Variants in SMC1A observed in about 807,000 individuals in gnomAD.
SMC1A encodes structural maintenance of chromosomes 1A, also known as structural maintenance of chromosomes protein 1A.
A neutral mutation model predicts 94.5 loss-of-function variants in SMC1A; 4 were observed. The observed-to-expected ratio is 0.04, with a 90% CI of 0.02 to 0.10. The LOEUF is 0.10. Among genes scored for constraint, SMC1A ranks in the 10% least tolerant of loss-of-function variants. The probability of loss-of-function intolerance (pLI) is 1.00; values close to 1 mark genes in which losing one functional copy is unlikely to be tolerated. For synonymous variants in SMC1A, 345 were observed against 347.7 expected, an observed-to-expected ratio of 0.99 and a Z score of 0.09; for missense variants, 304 against 989.0, an observed-to-expected ratio of 0.31 and a Z score of 9.29.
At chrX:53,396,150 C>T in intron 18 of SMC1A, 77 bp downstream of exon 18, 1 of 1,086,521 alleles carries the variant, frequency 9.2e-7, no homozygotes, top group Non-Finnish European at 1.3e-6. Context: ...TCTCACTGCC[C>T]TTCCTGGTCA....
chrX:53,395,332 G>GA (rs1779732457), intron 18 of SMC1A, among the ~76,000 whole-genome samples: 1 of 111,609 alleles, frequency 9.0e-6, no homozygotes, highest in Non-Finnish European at 1.9e-5. Context: ...GACAAAACAA[G>GA]ACTCTGTCTC....
chrX:53,401,307 CTT>C (rs1556888873), intron 15 of SMC1A, among the ~76,000 whole-genome samples: 3 of 112,032 alleles, frequency 2.7e-5, no homozygotes, highest in African/African-American at 9.7e-5. Context: ...CCCTTGTCCT[CTT>C]TGTTTCAATC....
intron 9 of SMC1A, among the ~76,000 whole-genome samples, chrX:53,408,785 G>A (rs1371349846): frequency 2.0e-5 from 2 of 99,102 alleles, no homozygotes; most frequent in Non-Finnish European, 4.0e-5. Context: ...CCTTCAGAAA[G>A]ACGCAATTGG....
At chrX:53,392,484 CTT>C (rs781855797) in intron 19 of SMC1A, among the ~76,000 whole-genome samples, 1 of 110,902 alleles carries the variant, frequency 9.0e-6, no homozygotes, top group South Asian at 3.8e-4. Flanking sequence ...GAGTTTTGCT[CTT>C]GTCACCCAGG....
intron 16 of SMC1A, among the ~76,000 whole-genome samples, chrX:53,398,646 T>C (rs1276149868): frequency 1.8e-5 from 2 of 111,359 alleles, no homozygotes; most frequent in East Asian, 5.6e-4. Flanking sequence ...ATCACGGATT[T>C]AAGGCAACAC....
intron 15 of SMC1A, among the ~76,000 whole-genome samples, chrX:53,402,837 C>T (rs370639627): frequency 2.1e-4 from 15 of 72,300 alleles, no homozygotes; most frequent in African/African-American, 8.9e-4. Context: ...CCACTGCACT[C>T]CAGCCTGGGC....
intron 1 of SMC1A, among the ~76,000 whole-genome samples, chrX:53,419,169 T>C (rs896769707): frequency 9.1e-6 from 1 of 109,785 alleles, no homozygotes; most frequent in Non-Finnish European, 1.9e-5. Flanking sequence ...GAAGATCTGA[T>C]TTCCAACACC....
chrX:53,406,482 A>C (rs1556889721), intron 9 of SMC1A, among the ~76,000 whole-genome samples: 2 of 112,177 alleles, frequency 1.8e-5, no homozygotes, highest in African/African-American at 6.5e-5. Context: ...GTTCAGAGCA[A>C]GAGATGATAT....
chrX:53,394,734 C>CCCCCCA, intron 19 of SMC1A, 44 bp downstream of exon 19: 1 of 453,532 alleles, frequency 2.2e-6, no homozygotes, highest in Non-Finnish European at 4.0e-6. Context: ...GTCCCACTCC[C>CCCCCCA]ACCCAACCCC....
rs1439955686 is a variant in SMC1A, at chrX:53,399,660, C to T, written c.2491G>A (p.Asp831Asn). The T allele has an allele frequency of 8.3e-7, 1 of 1,205,120 alleles. No individual in the cohort carries two copies. The highest frequency in any genetic ancestry group is 1.1e-6 in the Non-Finnish European group (1 of 891,193). Residue 831 changes from aspartate (D) to asparagine (N), a missense_variant, in exon 16 of 25, where the codon GAC becomes AAC. Asp to Asn is a conservative substitution (Grantham distance 23). Coordinates refer to ENST00000322213, the MANE Select transcript of SMC1A (RefSeq NM_006306.4). ...LDFEKNQLKE[D>N]QDKVHMWEQT... is the part of the protein sequence containing the mutation. ...TCCCACATGTGTACTTTATCTTGGT[C>T]CTCCTTCAGTTGGTTCTTTTCAAAA...
chrX:53,395,263 A>G (rs1436076524), intron 18 of SMC1A, among the ~76,000 whole-genome samples: 2 of 112,456 alleles, frequency 1.8e-5, no homozygotes, highest in Non-Finnish European at 3.8e-5. Flanking sequence ...GAATCACTTG[A>G]AACTGGGAGG....
Position 53,402,868 on chromosome X carries a change from C to CAAAAAAA in SMC1A, c.2420+691_2420+697dup, listed in dbSNP as rs151144282. ...TGGGCGACAGAGCAAGACTCTGTCT[C>CAAAAAAA]AAAAAAAAAAAAAAAAAGGGCCGGC... On this transcript the variant is annotated intron_variant, in intron 15 of 24. Transcript: ENST00000322213. Among the ~76,000 whole-genome samples, 7 of 10,082 alleles carry CAAAAAAA rather than the reference C, an allele frequency of 6.9e-4. 1 individual carries two copies. Among genetic ancestry groups the CAAAAAAA allele is most frequent in the African/African-American group, 1.5e-3 (2 of 1,340 alleles). The allele number at this position is 10,082 out of a possible 115,157, so 8.8% of individuals were successfully genotyped here. A position where few individuals can be genotyped will look rare whatever the true frequency, so the allele number is the denominator to read the frequency against.
chrX:53,419,019 C>T lies in SMC1A; in HGVS notation c.109+3473G>A, dbSNP rs886399008. 7.2e-5 allele frequency among the ~76,000 whole-genome samples: 6 copies of T among 83,524 alleles called. No homozygotes were observed. The East Asian group carries it at 1.5e-3, about 21-fold the overall frequency. The allele number at this position is 83,524 out of a possible 115,157, so 72.5% of individuals were successfully genotyped here. On this transcript the variant is annotated intron_variant, in intron 1 of 24. Coordinates refer to ENST00000322213, the MANE Select transcript of SMC1A (RefSeq NM_006306.4). The stretch of plus-strand genomic sequence containing the variant: ...TCGCGCCACTGCACTCCAACCTGGG[C>T]GACAGAGAGAGACTCTGTCTCAAAA...
intron 7 of SMC1A, among the ~76,000 whole-genome samples, chrX:53,410,939 A>AAAAAAAAAAAAAAAAAAAAAAAAG (rs2075709754): frequency 2.2e-5 from 2 of 90,397 alleles, no homozygotes; most frequent in Admixed American, 1.3e-4. Flanking sequence ...AAAAAAAAAA[A>AAAAAAAAAAAAAAAAAAAAAAAAG]AAAAAAGTAG....
At chrX:53,394,729 A>ACAGCC in intron 19 of SMC1A, 49 bp downstream of exon 19, 1 of 575,999 alleles carries the variant, frequency 1.7e-6, no homozygotes, top group Non-Finnish European at 2.9e-6. Flanking sequence ...AGATAGTCCC[A>ACAGCC]CTCCCACCCA....
intron 8 of SMC1A, 50 bp from the exon 9 acceptor site, chrX:53,409,319 C>T: frequency 1.7e-6 from 2 of 1,181,960 alleles, no homozygotes; most frequent in East Asian, 3.0e-5. Flanking sequence ...AGAAAATACT[C>T]CTGGCTCAGA....
chrX:53,408,756 T>C (rs138723722), intron 9 of SMC1A, among the ~76,000 whole-genome samples: 141 of 102,379 alleles, frequency 1.4e-3, no homozygotes, highest in Middle Eastern at 5.2e-3. Context: ...CCCAGAGGCA[T>C]AGACATAGCA....
intron 19 of SMC1A, among the ~76,000 whole-genome samples, 174 bp downstream of exon 19, chrX:53,394,604 G>C (rs1233810555): frequency 2.7e-5 from 3 of 110,693 alleles, no homozygotes; most frequent in Non-Finnish European, 5.7e-5. Context: ...AATATATGAG[G>C]TGGAGATCCT....
At position 53,409,406 on chromosome X, in the gene SMC1A, T is replaced by C; in HGVS notation, c.1337+15A>G. 8 of 1,191,041 alleles carry C rather than the reference T, an allele frequency of 6.7e-6. No homozygotes were observed. The highest frequency in any genetic ancestry group is 9.1e-6 in the Non-Finnish European group (8 of 876,591). On this transcript the variant is annotated intron_variant, in intron 8 of 24. Coordinates refer to ENST00000322213, the MANE Select transcript of SMC1A (RefSeq NM_006306.4). Reference sequence around the variant, plus strand: ...CAGGCCTGGAAGTAAGGGGGACAGATGCAGAGCTACATACTTGCTAGTGGT... The same window carrying C: ...CAGGCCTGGAAGTAAGGGGGACAGACGCAGAGCTACATACTTGCTAGTGGT...
Sources: allele counts gnomAD v4.1 joint callset (sites outside exome capture counted in the v4.1 genomes callset), GRCh38; gene constraint gnomAD v4.1.1; transcripts MANE v1.5; gene names NCBI Gene and HGNC (gene_info 2026-07-23, HGNC 2026-07-21).